Variants in WDPCP observed in about 807,000 individuals in gnomAD.
The protein encoded by WDPCP is WD repeat containing planar cell polarity effector.
In WDPCP, 71 loss-of-function variants were observed where a neutral mutation model predicts 93.1. The observed-to-expected ratio is 0.76, with a 90% confidence interval of 0.63 to 0.93. The LOEUF is 0.93. Ranked by LOEUF, WDPCP falls within the 40% of genes least tolerant of loss-of-function variation. The pLI is 0.00. For synonymous variants in WDPCP, 315 were observed against 315.0 expected (o/e 1.00, Z 0.00); for missense variants, 844 against 887.4 (o/e 0.95, Z 0.62).
intron 2 of WDPCP, among the ~76,000 whole-genome samples, chr2:63,761,788 A>C (rs1445252362): frequency 6.6e-6 from 1 of 152,154 alleles, no homozygotes; most frequent in Non-Finnish European, 1.5e-5. Flanking sequence ...CTCCTTTGGC[A>C]ACACCCTCAC....
At chr2:63,677,900 T>C (rs1462522108) in intron 2 of WDPCP, among the ~76,000 whole-genome samples, 1 of 152,178 alleles carries the variant, frequency 6.6e-6, no homozygotes, top group Non-Finnish European at 1.5e-5. Flanking sequence ...TGTATATATT[T>C]TATTAAATAT....
chr2:63,829,767 T>C (rs1671166804), upstream of WDPCP, among the ~76,000 whole-genome samples: 1 of 152,134 alleles, frequency 6.6e-6, no homozygotes, highest in Non-Finnish European at 1.5e-5. Context: ...GTTAGAATAA[T>C]CGTCTTGTGC....
At chr2:63,589,118 G>A, upstream of WDPCP, 1 of 1,614,050 alleles carries the variant, frequency 6.2e-7, no homozygotes, top group African/African-American at 1.3e-5. Flanking sequence ...TGCACTTTAG[G>A]GACTTTTGGG....
intron 6 of WDPCP, among the ~76,000 whole-genome samples, chr2:63,470,352 C>A (rs180897965): frequency 3.5e-4 from 54 of 152,318 alleles, no homozygotes; most frequent in Middle Eastern, 3.4e-3. Context: ...TTCAAACATA[C>A]CATGTCCAAA....
At chr2:63,680,827 C>T (rs987016743) in intron 2 of WDPCP, among the ~76,000 whole-genome samples, 1 of 152,138 alleles carries the variant, frequency 6.6e-6, no homozygotes. Context: ...GTAAAGAGGA[C>T]TTTGTCTTGA....
chr2:63,705,488 G>A (rs1385261916), intron 2 of WDPCP, among the ~76,000 whole-genome samples: 1 of 152,038 alleles, frequency 6.6e-6, no homozygotes. Flanking sequence ...AGAGATTCTG[G>A]TATGTTGTGT....
chr2:63,190,091 G>A (rs566185422), intron 14 of WDPCP, among the ~76,000 whole-genome samples: 1 of 152,070 alleles, frequency 6.6e-6, no homozygotes, highest in African/African-American at 2.4e-5. Context: ...TAACAGGGTG[G>A]GGAGAGGGGG....
chr2:63,181,346 T>C (rs1674225136), intron 14 of WDPCP, among the ~76,000 whole-genome samples: 1 of 152,160 alleles, frequency 6.6e-6, no homozygotes, highest in Non-Finnish European at 1.5e-5. Context: ...ATTTAAGCTT[T>C]TAATTGATCT....
At chr2:63,221,646 A>C (rs1156295484) in intron 14 of WDPCP, among the ~76,000 whole-genome samples, 1 of 152,196 alleles carries the variant, frequency 6.6e-6, no homozygotes, top group African/African-American at 2.4e-5. Flanking sequence ...GGAGCTTTTT[A>C]AAAGATACAT....
chr2:63,213,812 T>C (rs1370940180), intron 14 of WDPCP, among the ~76,000 whole-genome samples: 1 of 151,906 alleles, frequency 6.6e-6, no homozygotes, highest in Non-Finnish European at 1.5e-5. Context: ...CCCACAGAGA[T>C]ACAAACTACC....
At chr2:63,497,235 A>C (rs1701283912) in intron 1 of WDPCP, among the ~76,000 whole-genome samples, 1 of 152,174 alleles carries the variant, frequency 6.6e-6, no homozygotes, top group Admixed American at 6.5e-5. Flanking sequence ...CAGCAAAAGC[A>C]GACATGGGTG....
intron 6 of WDPCP, among the ~76,000 whole-genome samples, chr2:63,470,592 C>T (rs892037942): frequency 3.9e-5 from 6 of 152,160 alleles, no homozygotes; most frequent in Admixed American, 6.6e-5. Context: ...CCCTGGACTA[C>T]GGCAACAGCC....
chr2:63,734,918 T>TA (rs60839595), intron 2 of WDPCP, among the ~76,000 whole-genome samples: 1 of 150,730 alleles, frequency 6.6e-6, no homozygotes, highest in Non-Finnish European at 1.5e-5. Context: ...GATAGATAGA[T>TA]GATAGACAGA....
intron 3 of WDPCP, among the ~76,000 whole-genome samples, chr2:63,635,581 A>T (rs1411159736): frequency 2.6e-5 from 4 of 152,244 alleles, no homozygotes; most frequent in African/African-American, 9.6e-5. Context: ...ATGATACACC[A>T]GATTAACAGA....
rs201230123 is a variant in WDPCP at position 63,193,735 on chromosome 2, A to AT, written c.1916-18904dup. On this transcript the variant is annotated intron_variant, in intron 14 of 17. Coordinates refer to ENST00000272321, the MANE Select transcript of WDPCP (RefSeq NM_015910.7). ...TGATATTTTATATATAAGCTAAGTG[A>AT]TTTTTTTTAAAAAAGTAAACATTAA... Among the ~76,000 whole-genome samples, 450 of 152,210 alleles carry AT rather than the reference A, an allele frequency of 3.0e-3. 2 individuals are homozygous for AT. The highest frequency in any genetic ancestry group is 0.01 in the African/African-American group (424 of 41,532).
At chr2:63,372,125 C>G (rs1691448911) in intron 12 of WDPCP, among the ~76,000 whole-genome samples, 1 of 152,154 alleles carries the variant, frequency 6.6e-6, no homozygotes, top group South Asian at 2.1e-4. Context: ...GAGCCAGCAT[C>G]TCACATGGCA....
At position 63,121,655 on chromosome 2, in the gene WDPCP, C is replaced by A; in HGVS notation, c.*351G>T. On this transcript the variant is annotated 3_prime_UTR_variant, in exon 18 of 18. Coordinates refer to ENST00000272321, the MANE Select transcript of WDPCP (RefSeq NM_015910.7). ...AAAGCACTGGGACTACAGGCATGAG[C>A]ACTATGCCTGCCCCCTACTGCCCCT... 3.7e-6 allele frequency: 1 copy of A among 267,166 alleles called. No individual in the cohort carries two copies. The highest frequency in any genetic ancestry group is 6.9e-6 in the Non-Finnish European group (1 of 144,124). The allele number at this position is 267,166 out of a possible 1,614,324, so 16.5% of individuals were successfully genotyped here.
chr2:63,462,500 A>G (rs144291233), intron 6 of WDPCP, among the ~76,000 whole-genome samples: 3,107 of 152,260 alleles, frequency 0.02, 124 homozygotes, highest in African/African-American at 0.071. Context: ...AATGTATAAT[A>G]AAAAATAAAT....
chr2:63,453,972 G>T (rs11694619), intron 6 of WDPCP, among the ~76,000 whole-genome samples: 24,261 of 122,466 alleles, frequency 0.2, 2,573 homozygotes, highest in Middle Eastern at 0.29. Flanking sequence ...GGGAGGAGGG[G>T]GTAGGGATAG....
Sources: gnomAD v4.1 joint callset for allele counts (sites outside exome capture counted in the v4.1 genomes callset) on GRCh38, gnomAD v4.1.1 for gene constraint, MANE v1.5 for transcripts, NCBI Gene and HGNC (gene_info 2026-07-23, HGNC 2026-07-21) for gene names.